The following RNF180 variants were observed in gnomAD, a reference collection of about 807,000 sequenced individuals.
The protein encoded by RNF180 is ring finger protein 180, also known as E3 ubiquitin-protein ligase RNF180.
RNF180 carries 38 observed loss-of-function variants against 59.2 expected under a neutral mutation model. The ratio of observed to expected loss-of-function variants is 0.64; its 90% CI spans 0.50 to 0.84. RNF180 has a LOEUF of 0.84. RNF180 is among the 40% of genes least tolerant of loss of function. The pLI, the probability that RNF180 is intolerant of heterozygous loss-of-function variation, is 0.00. For synonymous variants in RNF180, 262 were observed against 240.3 expected, an observed-to-expected ratio of 1.09 and a Z score of -0.84; for missense variants, 705 against 700.9, an observed-to-expected ratio of 1.01 and a Z score of -0.07.
At chr5:64,247,841 CT>C (rs1353469528) in intron 5 of RNF180, among the ~76,000 whole-genome samples, 1 of 152,158 alleles carries the variant, frequency 6.6e-6, no homozygotes, top group East Asian at 1.9e-4. Context: ...AACTATCACG[CT>C]ACCTGACTTT....
At chr5:64,342,778 C>T (rs1468040869) in intron 7 of RNF180, among the ~76,000 whole-genome samples, 2 of 152,048 alleles carry the variant, frequency 1.3e-5, no homozygotes, top group Non-Finnish European at 2.9e-5. Context: ...GGAGTCCAGA[C>T]CTGAAAAACA....
At chr5:64,338,699 T>C (rs1329442000) in intron 7 of RNF180, among the ~76,000 whole-genome samples, 1 of 152,162 alleles carries the variant, frequency 6.6e-6, no homozygotes, top group African/African-American at 2.4e-5. Context: ...CTCTGTATTC[T>C]TGGTAAGTAC....
intron 1 of RNF180, among the ~76,000 whole-genome samples, chr5:64,186,800 A>G (rs1050496697): frequency 2.0e-5 from 3 of 152,186 alleles, no homozygotes; most frequent in African/African-American, 7.2e-5. Context: ...TATACTCATC[A>G]TATGATGATT....
intron 7 of RNF180, among the ~76,000 whole-genome samples, chr5:64,343,554 A>C (rs1034214296): frequency 2.6e-5 from 4 of 151,916 alleles, no homozygotes; most frequent in African/African-American, 7.2e-5. Flanking sequence ...ATATCTAGAG[A>C]CATCATCTAG....
At chr5:64,200,169 G>A (rs980653897) in intron 1 of RNF180, among the ~76,000 whole-genome samples, 1 of 152,112 alleles carries the variant, frequency 6.6e-6, no homozygotes, top group Non-Finnish European at 1.5e-5. Context: ...AGTGGTTCAC[G>A]CCTGTAATCT....
At chr5:64,217,142 A>C (rs562425844) in intron 4 of RNF180, among the ~76,000 whole-genome samples, 1 of 152,296 alleles carries the variant, frequency 6.6e-6, no homozygotes, top group East Asian at 1.9e-4. Context: ...TCTTTTACTC[A>C]GTAAAATTGC....
chr5:64,319,294 GATT>G (rs1331671828), intron 5 of RNF180, among the ~76,000 whole-genome samples: 1 of 151,564 alleles, frequency 6.6e-6, no homozygotes, highest in East Asian at 1.9e-4. Context: ...TGACAATAAA[GATT>G]ATTCTTTATT....
intron 5 of RNF180, among the ~76,000 whole-genome samples, chr5:64,230,922 G>A (rs778453289): frequency 2.0e-5 from 3 of 152,180 alleles, no homozygotes; most frequent in Non-Finnish European, 2.9e-5. Flanking sequence ...CATTAATTAT[G>A]TATCCACCAT....
In RNF180 at chr5:64,217,405, A is replaced by G; in HGVS notation, c.1227+9A>G. 7.2e-7 allele frequency: 1 copy of G among 1,395,252 alleles called. No homozygotes were observed. The highest frequency in any genetic ancestry group is 1.8e-5 in the South Asian group (1 of 55,582). The allele number at this position is 1,395,252 out of a possible 1,614,324, so 86.4% of individuals were successfully genotyped here. A position where few individuals can be genotyped will look rare whatever the true frequency, so the allele number is the denominator to read the frequency against. The stretch of plus-strand genomic sequence containing the variant: ...GATTGCTGGATCATATGGTAAGTAT[A>G]TATTTACTTATATGAGAAATTGTCA... On this transcript the variant is annotated intron_variant, in intron 5 of 7. Coordinates refer to ENST00000389100, the MANE Select transcript of RNF180 (RefSeq NM_001113561.2).
At chr5:64,246,757 T>C (rs1245719268) in intron 5 of RNF180, among the ~76,000 whole-genome samples, 2 of 152,144 alleles carry the variant, frequency 1.3e-5, no homozygotes, top group Non-Finnish European at 2.9e-5. Context: ...CCAAACTCAT[T>C]TTATGGGGCC....
At chr5:64,265,114 T>C (rs1744581340) in intron 5 of RNF180, among the ~76,000 whole-genome samples, 1 of 152,216 alleles carries the variant, frequency 6.6e-6, no homozygotes, top group South Asian at 2.1e-4. Context: ...TCCTTGTAAA[T>C]TCTGGATATT....
At chr5:64,309,947 A>G (rs915778745) in intron 5 of RNF180, among the ~76,000 whole-genome samples, 1 of 150,988 alleles carries the variant, frequency 6.6e-6, no homozygotes, top group Non-Finnish European at 1.5e-5. Flanking sequence ...GAATTCATAA[A>G]ACTTTGACTA....
chr5:64,324,426 G>A (rs79886393), intron 5 of RNF180, among the ~76,000 whole-genome samples: 4,721 of 152,244 alleles, frequency 0.031, 113 homozygotes, highest in Non-Finnish European at 0.044. Context: ...ACAAACGTGG[G>A]GACAACATGC....
chr5:64,215,564 A>G (rs954137527), intron 4 of RNF180, among the ~76,000 whole-genome samples: 3 of 152,104 alleles, frequency 2.0e-5, no homozygotes, highest in Non-Finnish European at 4.4e-5. Context: ...TTTGTTTACA[A>G]GTGATAGTAT....
chr5:64,179,252 A>G (rs1331502706), intron 1 of RNF180, among the ~76,000 whole-genome samples: 1 of 152,166 alleles, frequency 6.6e-6, no homozygotes, highest in Non-Finnish European at 1.5e-5. Flanking sequence ...ATAGAGAATA[A>G]TATACTGAAC....
chr5:64,250,833 G>A (rs1743521264), intron 5 of RNF180, among the ~76,000 whole-genome samples: 1 of 152,034 alleles, frequency 6.6e-6, no homozygotes, highest in South Asian at 2.1e-4. Flanking sequence ...TGAAGAGGAG[G>A]GAATACTTTC....
intron 1 of RNF180, among the ~76,000 whole-genome samples, chr5:64,182,578 C>A (rs530348705): frequency 6.6e-6 from 1 of 152,308 alleles, no homozygotes; most frequent in African/African-American, 2.4e-5. Context: ...AAATCTTTAT[C>A]TTAGCGTAAG....
intron 7 of RNF180, among the ~76,000 whole-genome samples, chr5:64,365,703 T>G (rs936848971): frequency 1.3e-5 from 2 of 151,654 alleles, no homozygotes; most frequent in African/African-American, 4.8e-5. Flanking sequence ...AGTATTCTTA[T>G]GGAATTGAAC....
chr5:64,346,169 TAAG>T (rs146998837), intron 7 of RNF180, among the ~76,000 whole-genome samples: 2,128 of 151,826 alleles, frequency 0.014, 23 homozygotes, highest in Middle Eastern at 0.092. Context: ...AACTACAAAA[TAAG>T]ACCATTATTA....
Sources: allele counts gnomAD v4.1 joint callset (sites outside exome capture counted in the v4.1 genomes callset), GRCh38; gene constraint gnomAD v4.1.1; transcripts MANE v1.5; gene names NCBI Gene and HGNC (gene_info 2026-07-23, HGNC 2026-07-21).